The following KCNIP4 variants were observed in gnomAD, a reference collection of about 807,000 sequenced individuals.
KCNIP4 encodes the protein Kv channel-interacting protein 4.
Under a neutral mutation model 34.0 loss-of-function variants are expected in KCNIP4, and 12 were observed. The ratio of observed to expected loss-of-function variants is 0.35; its 90% CI spans 0.23 to 0.57. The LOEUF (loss-of-function observed/expected upper bound fraction) is 0.57. Among genes scored for constraint, KCNIP4 ranks in the 20% least tolerant of loss-of-function variants. KCNIP4 has a pLI of 0.83. For missense variants in KCNIP4, 238 were observed against 311.7 expected (o/e 0.76, Z 1.78); for synonymous variants, 124 against 102.2 (o/e 1.21, Z -1.29).
At chr4:21,041,285 T>A (rs573764127) in intron 1 of KCNIP4, among the ~76,000 whole-genome samples, 2 of 150,838 alleles carry the variant, frequency 1.3e-5, no homozygotes, top group East Asian at 3.9e-4. Context: ...AATAGTTTCA[T>A]TGGGGCTTCT....
intron 1 of KCNIP4, among the ~76,000 whole-genome samples, chr4:20,933,649 C>G (rs981765111): frequency 6.6e-6 from 1 of 151,284 alleles, no homozygotes; most frequent in Non-Finnish European, 1.5e-5. Context: ...AATATTAGTC[C>G]AAACAATTGT....
chr4:21,660,370 C>A (rs895807075), intron 1 of KCNIP4, among the ~76,000 whole-genome samples: 2 of 152,082 alleles, frequency 1.3e-5, no homozygotes. Flanking sequence ...ATACTTTGGT[C>A]TCTATTTTAA....
chr4:21,478,268 GTTAT>G (rs1731153835), intron 1 of KCNIP4, among the ~76,000 whole-genome samples: 3 of 150,890 alleles, frequency 2.0e-5, no homozygotes, highest in African/African-American at 7.3e-5. Flanking sequence ...TTATTTATGT[GTTAT>G]TTCTTAGGTA....
At chr4:21,147,123 T>C (rs1752413888) in intron 1 of KCNIP4, among the ~76,000 whole-genome samples, 1 of 152,184 alleles carries the variant, frequency 6.6e-6, no homozygotes, top group Non-Finnish European at 1.5e-5. Context: ...AGGGAGTGCC[T>C]GGCCTGAGCT....
intron 1 of KCNIP4, among the ~76,000 whole-genome samples, chr4:21,073,581 A>G (rs191880091): frequency 2.6e-4 from 39 of 152,332 alleles, no homozygotes; most frequent in African/African-American, 9.4e-4. Flanking sequence ...GTCATCTGCA[A>G]ACAGGGACAA....
intron 1 of KCNIP4, among the ~76,000 whole-genome samples, chr4:21,005,971 G>A (rs974947810): frequency 1.2e-4 from 18 of 152,064 alleles, no homozygotes; most frequent in Non-Finnish European, 1.8e-4. Flanking sequence ...TTTATTCTTC[G>A]CACCTCATGC....
intron 1 of KCNIP4, chr4:21,849,563 C>A (rs1398997878): frequency 6.6e-6 from 1 of 151,952 alleles, no homozygotes; most frequent in Non-Finnish European, 1.5e-5. Context: ...AAAATCAATC[C>A]AAAATATTGA....
chr4:21,269,943 G>C (rs887226491), intron 1 of KCNIP4, among the ~76,000 whole-genome samples: 2 of 152,136 alleles, frequency 1.3e-5, no homozygotes, highest in Non-Finnish European at 2.9e-5. Context: ...TTTGGCGAAA[G>C]ATCCTAAACT....
chr4:20,914,274 C>T (rs1728601110), intron 1 of KCNIP4, among the ~76,000 whole-genome samples: 1 of 152,064 alleles, frequency 6.6e-6, no homozygotes, highest in Non-Finnish European at 1.5e-5. Context: ...TAAACATTCC[C>T]CTAAAATTCA....
chr4:21,627,815 G>A (rs889389479), intron 1 of KCNIP4, among the ~76,000 whole-genome samples: 4 of 152,152 alleles, frequency 2.6e-5, no homozygotes, highest in Admixed American at 2.6e-4. Context: ...AGTCTAATAA[G>A]TGTCGGTCAT....
At chr4:20,774,853 G>A (rs1181879544) in intron 3 of KCNIP4, among the ~76,000 whole-genome samples, 2 of 152,142 alleles carry the variant, frequency 1.3e-5, no homozygotes, top group African/African-American at 4.8e-5. Flanking sequence ...TTAATTTGGG[G>A]CCTGCTAGTT....
intron 1 of KCNIP4, among the ~76,000 whole-genome samples, chr4:21,110,341 A>G (rs918380805): frequency 3.0e-4 from 46 of 152,336 alleles, no homozygotes; most frequent in African/African-American, 1.1e-3. Context: ...ACACATATAA[A>G]TGAAGCTTCC....
At chr4:21,178,876 G>A (rs116445377) in intron 1 of KCNIP4, among the ~76,000 whole-genome samples, 1,909 of 149,040 alleles carry the variant, frequency 0.013, 50 homozygotes, top group African/African-American at 0.046. Flanking sequence ...CAGTGCAAGT[G>A]GCATGATCTC....
At chr4:21,293,166 T>C (rs1763634892) in intron 1 of KCNIP4, among the ~76,000 whole-genome samples, 2 of 152,218 alleles carry the variant, frequency 1.3e-5, no homozygotes, top group Non-Finnish European at 2.9e-5. Context: ...TTACATTGTA[T>C]CTAATAATTA....
intron 1 of KCNIP4, chr4:21,849,997 A>C (rs1724273855): frequency 6.6e-6 from 1 of 152,166 alleles, no homozygotes; most frequent in Non-Finnish European, 1.5e-5. Flanking sequence ...GCTGAATTCC[A>C]TCCAGTATTC....
intron 1 of KCNIP4, among the ~76,000 whole-genome samples, chr4:21,113,061 T>G (rs572064850): frequency 5.9e-5 from 9 of 152,330 alleles, no homozygotes; most frequent in African/African-American, 1.9e-4. Context: ...TATAAGATTT[T>G]TGATACATTT....
intron 1 of KCNIP4, among the ~76,000 whole-genome samples, chr4:21,542,275 G>A (rs2109000644): frequency 6.6e-6 from 1 of 152,150 alleles, no homozygotes; most frequent in Non-Finnish European, 1.5e-5. Flanking sequence ...CCCCAACTCT[G>A]GAAGAACAGG....
rs1428514778 is a variant in KCNIP4, at chr4:21,635,414, T to A, written c.61+313157A>T. On this transcript the variant is annotated intron_variant, in intron 1 of 8. Transcript: ENST00000382152. ...ATCAGGATGTGCTTCTTTTAACACA[T>A]AATGCTGTTGGTTAATTGGGTTTTT... Among the ~76,000 whole-genome samples, 5 of 152,122 alleles carry A rather than the reference T, an allele frequency of 3.3e-5. 1 individual carries two copies. The highest frequency in any genetic ancestry group is 3.3e-4 in the Admixed American group (5 of 15,272).
chr4:20,850,455 A>T (rs1720887589), intron 3 of KCNIP4, 88 bp downstream of exon 3: 1 of 1,371,508 alleles, frequency 7.3e-7, no homozygotes, highest in African/African-American at 1.4e-5. Flanking sequence ...GGGCTCTCAT[A>T]GAATGGGATA....
Sources: allele counts gnomAD v4.1 joint callset (sites outside exome capture counted in the v4.1 genomes callset), GRCh38; gene constraint gnomAD v4.1.1; transcripts MANE v1.5; gene names NCBI Gene and HGNC (gene_info 2026-07-23, HGNC 2026-07-21).